LRRC27: variants seen among roughly 807,000 people sequenced by gnomAD.
LRRC27 encodes leucine-rich repeat-containing protein 27.
In LRRC27, 57 loss-of-function variants were observed where a neutral mutation model predicts 55.0. The observed-to-expected ratio is 1.04, with a 90% CI of 0.84 to 1.29. The LOEUF is 1.29. LRRC27 is among the 50% of genes most tolerant of loss of function. The pLI is 0.00. For synonymous variants in LRRC27, 278 were observed against 251.9 expected (o/e 1.10, Z -0.98); for missense variants, 721 against 651.5 (o/e 1.11, Z -1.16).
At chr10:132,330,141 A>G, upstream of LRRC27, 1 of 351,258 alleles carries the variant, frequency 2.8e-6, no homozygotes, top group Non-Finnish European at 5.5e-6. Flanking sequence ...ACCAATGGAT[A>G]CAATCTGGCT....
At chr10:132,333,795 T>A (rs1471694786) in intron 2 of LRRC27, 61 bp downstream of exon 2, 1 of 1,288,078 alleles carries the variant, frequency 7.8e-7, no homozygotes, top group African/African-American at 1.5e-5. Flanking sequence ...GAAATGGGAA[T>A]GTACCCCTGG....
chr10:132,354,884 C>T (rs894734385), intron 7 of LRRC27, among the ~76,000 whole-genome samples: 3 of 152,140 alleles, frequency 2.0e-5, no homozygotes, highest in East Asian at 1.9e-4. Flanking sequence ...GCTGGCCTTC[C>T]GGGGGTGGAG....
At chr10:132,353,086 C>T (rs2068141049) in intron 7 of LRRC27, 3 of 1,513,040 alleles carry the variant, frequency 2.0e-6, no homozygotes, top group Non-Finnish European at 1.8e-6. Flanking sequence ...AGGAGTCCGG[C>T]TGGCATGGAC....
intron 9 of LRRC27, among the ~76,000 whole-genome samples, chr10:132,364,779 TCC>T (rs2068953907): frequency 8.8e-6 from 1 of 113,420 alleles, no homozygotes; most frequent in African/African-American, 4.0e-5. Context: ...TACATCTACC[TCC>T]ACGCCCACAC....
intron 6 of LRRC27, among the ~76,000 whole-genome samples, chr10:132,350,230 A>G (rs1242819790): frequency 6.6e-6 from 1 of 152,204 alleles, no homozygotes; most frequent in Non-Finnish European, 1.5e-5. Context: ...TGAAATCCCA[A>G]AATTATATTG....
At chr10:132,369,345 C>G (rs527757955) in intron 10 of LRRC27, among the ~76,000 whole-genome samples, 4 of 152,280 alleles carry the variant, frequency 2.6e-5, no homozygotes, top group Admixed American at 2.6e-4. Flanking sequence ...TTCATAATTG[C>G]CAAAACTTGG....
In LRRC27 at chr10:132,374,330, C is replaced by T. The variant is rs577890495; in HGVS notation, c.1417-736C>T. On this transcript the variant is annotated intron_variant, in intron 10 of 10. Transcript: ENST00000368614. This position sits in a 1 kb window ranked among gnomAD's most constrained non-coding sequence, Gnocchi z 4.4. ...CAGCAAGGCAAGCCGGGGAGGGAGA[C>T]GGGAGCCGGGTGGCCCAGGGCTCCT... Among the ~76,000 whole-genome samples, 9 of 152,190 alleles carry T rather than the reference C, an allele frequency of 5.9e-5. No individual in the cohort carries two copies. Among genetic ancestry groups the T allele is most frequent in the South Asian group, 2.1e-4 (1 of 4,820 alleles).
intron 10 of LRRC27, among the ~76,000 whole-genome samples, chr10:132,367,162 T>C (rs750930152): frequency 6.6e-6 from 1 of 152,126 alleles, no homozygotes. Context: ...TTTAGTGAAA[T>C]AGATTAATCC....
intron 9 of LRRC27, among the ~76,000 whole-genome samples, chr10:132,364,003 C>A (rs1311572981): frequency 6.6e-6 from 1 of 152,006 alleles, no homozygotes; most frequent in African/African-American, 2.4e-5. Flanking sequence ...TTACATCCTC[C>A]AGGGAGTTTA....
intron 2 of LRRC27, 133 bp downstream of exon 2, chr10:132,333,867 G>T: frequency 8.5e-6 from 6 of 705,244 alleles, no homozygotes; most frequent in Non-Finnish European, 1.4e-5. Flanking sequence ...ATAGAGGAAA[G>T]GTTAACTCAT....
chr10:132,331,452 C>T, upstream of LRRC27: 1 of 1,611,492 alleles, frequency 6.2e-7, no homozygotes. Flanking sequence ...TCCTCGCCCC[C>T]CTCACTCCTC....
At chr10:132,349,318 G>A (rs760959096) in intron 6 of LRRC27, among the ~76,000 whole-genome samples, 5 of 152,196 alleles carry the variant, frequency 3.3e-5, no homozygotes, top group Admixed American at 1.3e-4. Context: ...AGACCTTCCC[G>A]GAGGTGTTGG....
At chr10:132,331,752 C>G, upstream of LRRC27, 1 of 1,611,252 alleles carries the variant, frequency 6.2e-7, no homozygotes, top group Non-Finnish European at 8.5e-7. Flanking sequence ...TCTCTTCCTT[C>G]CCCTCTGTGC....
chr10:132,330,519 T>G (rs2138513730), upstream of LRRC27: 1 of 682,426 alleles, frequency 1.5e-6, no homozygotes, highest in South Asian at 1.6e-5. Context: ...GTACGAAAAC[T>G]TTTTTTTTGA....
At chr10:132,354,525 C>T (rs767767737) in intron 7 of LRRC27, among the ~76,000 whole-genome samples, 8 of 152,194 alleles carry the variant, frequency 5.3e-5, no homozygotes, top group Non-Finnish European at 1.0e-4. Flanking sequence ...GGGACACACC[C>T]AGGCAGGCGT....
chr10:132,357,857 G>A (rs1417098634), intron 8 of LRRC27, among the ~76,000 whole-genome samples: 2 of 152,248 alleles, frequency 1.3e-5, no homozygotes, highest in Non-Finnish European at 2.9e-5. Context: ...GCCCACGGGA[G>A]CGCGCACCTA....
chr10:132,350,189 T>G (rs55813610), intron 6 of LRRC27, among the ~76,000 whole-genome samples: 26,434 of 152,124 alleles, frequency 0.17, 2,592 homozygotes, highest in East Asian at 0.35. Flanking sequence ...TGATGTTATG[T>G]AAAAATCATA....
At position 132,368,995 on chromosome 10, in the gene LRRC27, CAG is replaced by C. The variant is rs1159412055; in HGVS notation, c.1416+3449_1416+3450del. Among the ~76,000 whole-genome samples, 5 of 152,210 alleles carry C rather than the reference CAG, an allele frequency of 3.3e-5. No homozygotes were observed. The South Asian group carries it at 8.3e-4, about 25-fold the overall frequency. On this transcript the variant is annotated intron_variant, in intron 10 of 10. Transcript: ENST00000368614. ...AGTTAAAAAATGGGCCAAGAATCTG[CAG>C]AGACACCTCATCAAAGAAGATGCAT... is the stretch of plus-strand genomic sequence containing the variant.
chr10:132,345,636 T>C (rs960820712), intron 5 of LRRC27, among the ~76,000 whole-genome samples: 1 of 152,136 alleles, frequency 6.6e-6, no homozygotes, highest in African/African-American at 2.4e-5. Context: ...GGACTGGCAG[T>C]GTGGAGGGCA....
Sources: gnomAD v4.1 joint callset for allele counts (sites outside exome capture counted in the v4.1 genomes callset) on GRCh38, gnomAD v4.1.1 for gene constraint, Gnocchi (gnomAD v3.1) non-coding constraint, MANE v1.5 for transcripts, NCBI Gene and HGNC (gene_info 2026-07-23, HGNC 2026-07-21) for gene names.